ATG7: variants seen among roughly 807,000 people sequenced by gnomAD.
The protein encoded by ATG7 is ubiquitin-like modifier-activating enzyme ATG7.
ATG7 carries 70 observed loss-of-function variants against 82.4 expected under a neutral mutation model. That is an observed-to-expected ratio of 0.85 (90% CI 0.70 to 1.04). ATG7 has a LOEUF of 1.04. ATG7 is among the 50% of genes least tolerant of loss of function. The pLI is 0.00. For missense variants in ATG7, 792 were observed against 864.3 expected (o/e 0.92, Z 1.05); for synonymous variants, 287 against 313.0 (o/e 0.92, Z 0.88).
At chr3:11,510,424 G>A (rs2091992489) in intron 20 of ATG7, 3 of 373,314 alleles carry the variant, frequency 8.0e-6, no homozygotes, top group South Asian at 6.1e-5. Context: ...TGAACCAAAG[G>A]GCCTCATTCG....
At chr3:11,540,907 T>TGGCGGGGGG (rs1478475481) in intron 20 of ATG7, among the ~76,000 whole-genome samples, 3 of 34,934 alleles carry the variant, frequency 8.6e-5, no homozygotes, top group Non-Finnish European at 1.5e-4. Flanking sequence ...TAGCTTTTTT[T>TGGCGGGGGG]GGGGGGGGGA....
intron 9 of ATG7, among the ~76,000 whole-genome samples, chr3:11,320,015 GC>G (rs1949999099): frequency 6.6e-6 from 1 of 152,194 alleles, no homozygotes; most frequent in Non-Finnish European, 1.5e-5. Flanking sequence ...AAGAGTAGGG[GC>G]TAAATTCTTT....
chr3:11,501,606 T>C (rs1318364388), intron 20 of ATG7, among the ~76,000 whole-genome samples: 1 of 152,160 alleles, frequency 6.6e-6, no homozygotes, highest in African/African-American at 2.4e-5. Flanking sequence ...TAGTAAATTA[T>C]GTATTATGGT....
At chr3:11,418,369 C>T (rs1047103194) in intron 19 of ATG7, among the ~76,000 whole-genome samples, 2 of 151,948 alleles carry the variant, frequency 1.3e-5, no homozygotes, top group Non-Finnish European at 1.5e-5. Context: ...TATCTCAGCT[C>T]CCCCAAAGTG....
chr3:11,428,545 G>GAGTC (rs2082576045), intron 20 of ATG7, among the ~76,000 whole-genome samples: 1 of 152,238 alleles, frequency 6.6e-6, no homozygotes, highest in Admixed American at 6.5e-5. Flanking sequence ...GAGCCACAAA[G>GAGTC]AGTCTATTTC....
chr3:11,291,477 A>G (rs866757919), intron 3 of ATG7, among the ~76,000 whole-genome samples: 22 of 152,180 alleles, frequency 1.4e-4, no homozygotes, highest in South Asian at 2.1e-4. Flanking sequence ...TCTCAGCTCT[A>G]CCACTTCCTG....
In ATG7 at chr3:11,515,242, T is replaced by C. The variant is rs537339961; in HGVS notation, c.2080-39569T>C. Among the ~76,000 whole-genome samples, 18 of 152,316 alleles carry C rather than the reference T, an allele frequency of 1.2e-4. No individual in the cohort carries two copies. The South Asian group carries it at 3.1e-3, about 26-fold the overall frequency. On this transcript the variant is annotated intron_variant, in intron 20 of 20. Transcript: ENST00000693202. ...TAACACTTAGCCACTTTTCAGTGTGTTCATGTCTCAACTGAGAGGTGGTGT... is the reference window on the plus strand; with the variant it reads ...TAACACTTAGCCACTTTTCAGTGTGCTCATGTCTCAACTGAGAGGTGGTGT...
At chr3:11,340,869 CTTCAATTGAAGT>C in intron 12 of ATG7, 134 bp downstream of exon 12, 1 of 688,536 alleles carries the variant, frequency 1.5e-6, no homozygotes, top group Non-Finnish European at 2.5e-6. Flanking sequence ...TTACTCTGCT[CTTCAATTGAAGT>C]TTGGTTGTGA....
At chr3:11,565,428 G>C in the ATG7 span, among the ~76,000 whole-genome samples, 1 of 152,106 alleles carries the variant, frequency 6.6e-6, no homozygotes, top group African/African-American at 2.4e-5. The surrounding 1 kb of genome is among the most constrained non-coding windows in gnomAD (Gnocchi z 4.1). Flanking sequence ...CTACATGCAG[G>C]GCCCTATTCA....
chr3:11,286,692 A>G (rs751430260), intron 3 of ATG7, among the ~76,000 whole-genome samples: 7 of 142,714 alleles, frequency 4.9e-5, no homozygotes, highest in Non-Finnish European at 1.0e-4. Context: ...TTAATCTCCC[A>G]GGCTTAAGCG....
At chr3:11,343,815 A>G (rs1042046821) in intron 13 of ATG7, among the ~76,000 whole-genome samples, 1 of 152,130 alleles carries the variant, frequency 6.6e-6, no homozygotes, top group African/African-American at 2.4e-5. Context: ...TGGATTCTCT[A>G]TTTTGACTCA....
chr3:11,452,502 G>C (rs998618975), intron 20 of ATG7, among the ~76,000 whole-genome samples: 10 of 151,464 alleles, frequency 6.6e-5, no homozygotes, highest in African/African-American at 2.4e-4. Flanking sequence ...TTCATGCTAC[G>C]TGAATTATAT....
intron 20 of ATG7, among the ~76,000 whole-genome samples, chr3:11,486,822 T>G (rs202152692): frequency 0.43 from 52,544 of 122,068 alleles, 9,669 homozygotes; most frequent in East Asian, 0.74. Context: ...TTGGTTCTGT[T>G]TTTTTTTTTT....
chr3:11,335,285 C>T (rs901055387), intron 11 of ATG7, among the ~76,000 whole-genome samples: 2 of 151,944 alleles, frequency 1.3e-5, no homozygotes, highest in Non-Finnish European at 2.9e-5. Context: ...TAAAGATAGT[C>T]GCAGGGGTGT....
At chr3:11,558,606 G>A (rs749295296), downstream of ATG7, 2 of 1,606,422 alleles carry the variant, frequency 1.2e-6, no homozygotes, top group East Asian at 2.2e-5. Context: ...TGGGCAGAGG[G>A]GCTGGCGGGC....
intron 20 of ATG7, among the ~76,000 whole-genome samples, chr3:11,466,589 G>A (rs866044098): frequency 2.6e-5 from 4 of 152,122 alleles, no homozygotes; most frequent in Non-Finnish European, 5.9e-5. Context: ...CTACAGCGTC[G>A]GTGCTTATAA....
At chr3:11,285,018 T>G (rs1214215821) in intron 3 of ATG7, among the ~76,000 whole-genome samples, 2 of 151,602 alleles carry the variant, frequency 1.3e-5, no homozygotes, top group Non-Finnish European at 2.9e-5. Flanking sequence ...AGCTAATTTT[T>G]TTTTTGTATT....
At chr3:11,389,579 T>G (rs2078621352) in intron 19 of ATG7, among the ~76,000 whole-genome samples, 1 of 152,144 alleles carries the variant, frequency 6.6e-6, no homozygotes, top group Non-Finnish European at 1.5e-5. Context: ...ACCGCCTGTG[T>G]GGGCCTTAAG....
At chr3:11,402,408 G>C (rs1214991262) in intron 19 of ATG7, among the ~76,000 whole-genome samples, 1 of 152,168 alleles carries the variant, frequency 6.6e-6, no homozygotes, top group Non-Finnish European at 1.5e-5. Flanking sequence ...ACTCCAGCCT[G>C]GGCAATAGAG....
Sources: gnomAD v4.1 joint callset for allele counts (sites outside exome capture counted in the v4.1 genomes callset) on GRCh38, gnomAD v4.1.1 for gene constraint, Gnocchi (gnomAD v3.1) non-coding constraint, MANE v1.5 for transcripts, NCBI Gene and HGNC (gene_info 2026-07-23, HGNC 2026-07-21) for gene names.